NIM1K: variants seen among roughly 807,000 people sequenced by gnomAD.
The protein encoded by NIM1K is NIM1 serine/threonine protein kinase.
In NIM1K, 35 loss-of-function variants were observed where a neutral mutation model predicts 37.1. The observed-to-expected ratio is 0.94, with a 90% confidence interval of 0.72 to 1.25. The LOEUF (loss-of-function observed/expected upper bound fraction) is 1.25, where lower values mean the gene tolerates loss of function less well. NIM1K is among the 50% of genes most tolerant of loss of function. The pLI is 0.00. For synonymous variants in NIM1K, 234 were observed against 206.6 expected (o/e 1.13, Z -1.14); for missense variants, 564 against 548.0 (o/e 1.03, Z -0.29).
In NIM1K at chr5:43,245,997, C is replaced by T. The variant is rs773745809; in HGVS notation, c.222C>T (p.Tyr74=). ...CGCTGGGGAAACGGATAGGCTTCTACCGAATTCGAGGGGAAATCGGAAGTG... is the reference window on the plus strand; with the variant it reads ...CGCTGGGGAAACGGATAGGCTTCTATCGAATTCGAGGGGAAATCGGAAGTG... ...EITLGKRIGF[Y]RIRGEIGSGN... The change falls in exon 2 of 4, where the codon TAC becomes TAT. Residue 74 remains tyrosine (Y), a synonymous_variant. Coordinates refer to ENST00000326035, the MANE Select transcript of NIM1K (RefSeq NM_153361.4). 3.7e-6 allele frequency: 6 copies of T among 1,614,058 alleles called. No individual in the cohort carries two copies. Among genetic ancestry groups the T allele is most frequent in the Non-Finnish European group, 5.1e-6 (6 of 1,179,960 alleles).
intron 1 of NIM1K, among the ~76,000 whole-genome samples, chr5:43,238,016 T>C (rs1752644956): frequency 6.6e-6 from 1 of 151,986 alleles, no homozygotes; most frequent in Non-Finnish European, 1.5e-5. Flanking sequence ...TTCTCGATTT[T>C]TCTTTCACAA....
intron 1 of NIM1K, among the ~76,000 whole-genome samples, chr5:43,237,766 C>T (rs575210234): frequency 1.3e-4 from 20 of 152,170 alleles, no homozygotes; most frequent in African/African-American, 4.8e-4. Flanking sequence ...CAGGATTTAC[C>T]TTTTCTTTTA....
At chr5:43,264,088 G>T (rs1265863179) in intron 2 of NIM1K, among the ~76,000 whole-genome samples, 1 of 152,176 alleles carries the variant, frequency 6.6e-6, no homozygotes, top group Non-Finnish European at 1.5e-5. Context: ...TGAGAAGAAT[G>T]TATATTCTGT....
At position 43,246,044 on chromosome 5, in the gene NIM1K, T is replaced by TTGGGATTCACTCCCTAACCAAAGG. The variant is rs1752775653; in HGVS notation, c.271_292+2dup. 9.9e-6 allele frequency: 16 copies of TTGGGATTCACTCCCTAACCAAAGG among 1,612,986 alleles called. No individual in the cohort carries two copies. Among genetic ancestry groups the TTGGGATTCACTCCCTAACCAAAGG allele is most frequent in the Non-Finnish European group, 1.4e-5 (16 of 1,179,342 alleles). ...AGTGGAAACTTCTCCCAAGTGAAGCTTGGGATTCACTCCCTAACCAAAGGT... is the reference window on the plus strand; with the variant it reads ...AGTGGAAACTTCTCCCAAGTGAAGCTTGGGATTCACTCCCTAACCAAAGGTGGGATTCACTCCCTAACCAAAGGT... On this transcript the variant is annotated inframe_insertion, in exon 2 of 4. Coordinates refer to ENST00000326035, the MANE Select transcript of NIM1K (RefSeq NM_153361.4).
intron 1 of NIM1K, among the ~76,000 whole-genome samples, chr5:43,201,715 C>G (rs901908154): frequency 2.0e-5 from 3 of 151,802 alleles, no homozygotes; most frequent in African/African-American, 7.3e-5. Context: ...AATCCCAGCA[C>G]TGTGGGAGGC....
intron 2 of NIM1K, among the ~76,000 whole-genome samples, chr5:43,247,401 AGCCTT>A (rs528216045): frequency 4.9e-4 from 74 of 152,334 alleles, no homozygotes; most frequent in African/African-American, 1.6e-3. Context: ...TTGCTTAATA[AGCCTT>A]GCCTTGCCTT....
chr5:43,226,439 C>T (rs540357874), intron 1 of NIM1K, among the ~76,000 whole-genome samples: 1 of 152,146 alleles, frequency 6.6e-6, no homozygotes, highest in African/African-American at 2.4e-5. Flanking sequence ...GATTTGCTGA[C>T]AGATTGGTGT....
intron 1 of NIM1K, among the ~76,000 whole-genome samples, chr5:43,216,667 T>A (rs1752304208): frequency 6.6e-6 from 1 of 152,222 alleles, no homozygotes; most frequent in African/African-American, 2.4e-5. Flanking sequence ...TTCAATTTCT[T>A]GCCTTCCCCG....
intron 1 of NIM1K, among the ~76,000 whole-genome samples, chr5:43,216,662 T>A (rs1752304133): frequency 1.3e-5 from 2 of 152,224 alleles, no homozygotes; most frequent in South Asian, 4.1e-4. Flanking sequence ...GTGTCTTCAA[T>A]TTCTTGCCTT....
At chr5:43,214,472 T>C (rs2112222109) in intron 1 of NIM1K, among the ~76,000 whole-genome samples, 1 of 152,316 alleles carries the variant, frequency 6.6e-6, no homozygotes, top group South Asian at 2.1e-4. Context: ...TCCTTATTTA[T>C]GAATAGATGT....
intron 1 of NIM1K, among the ~76,000 whole-genome samples, chr5:43,225,260 C>CAAAAAAAAAAAAAAAAAAAAAAA (rs10555794): frequency 1.4e-5 from 1 of 72,710 alleles, no homozygotes; most frequent in Non-Finnish European, 2.5e-5. Context: ...ACCCTCTTTC[C>CAAAAAAAAAAAAAAAAAAAAAAA]AAAAAAAAAA....
chr5:43,245,998 C>A lies in NIM1K; in HGVS notation c.223C>A (p.Arg75=), dbSNP rs145190045. 1.9e-6 allele frequency: 3 copies of A among 1,614,014 alleles called. No individual in the cohort carries two copies. The highest frequency in any genetic ancestry group is 3.3e-5 in the Admixed American group (2 of 60,008). ...ITLGKRIGFY[R]IRGEIGSGNF... ...GCTGGGGAAACGGATAGGCTTCTAC[C>A]GAATTCGAGGGGAAATCGGAAGTGG... The change falls in exon 2 of 4, where the codon CGA becomes AGA. Residue 75 remains arginine (R), a synonymous_variant. Transcript: ENST00000326035.
intron 2 of NIM1K, among the ~76,000 whole-genome samples, chr5:43,270,816 G>A (rs2111558347): frequency 6.6e-6 from 1 of 152,244 alleles, no homozygotes; most frequent in East Asian, 1.9e-4. Flanking sequence ...AGTGCCCGAA[G>A]GCATGATAAC....
intron 2 of NIM1K, among the ~76,000 whole-genome samples, chr5:43,264,527 G>C (rs1753090457): frequency 6.6e-6 from 1 of 152,144 alleles, no homozygotes; most frequent in African/African-American, 2.4e-5. Context: ...CTGCATGTGA[G>C]ATGGGTCTCC....
intron 2 of NIM1K, among the ~76,000 whole-genome samples, chr5:43,266,420 C>T (rs1753160941): frequency 6.6e-6 from 1 of 152,210 alleles, no homozygotes; most frequent in Non-Finnish European, 1.5e-5. Flanking sequence ...CCCTCTGAGC[C>T]AGGTGCGGGA....
At chr5:43,277,443 T>A in intron 3 of NIM1K, 118 bp downstream of exon 3, 1 of 1,065,070 alleles carries the variant, frequency 9.4e-7, no homozygotes, top group Non-Finnish European at 1.3e-6. Context: ...AAGCAGACAG[T>A]AGTCCCTTCT....
At chr5:43,203,869 T>A (rs1752069170) in intron 1 of NIM1K, among the ~76,000 whole-genome samples, 1 of 151,354 alleles carries the variant, frequency 6.6e-6, no homozygotes, top group East Asian at 2.0e-4. Flanking sequence ...CTACTAGAAA[T>A]ACAAAAATTA....
At position 43,238,953 on chromosome 5, in the gene NIM1K, C is replaced by A. The variant is rs533580025; in HGVS notation, c.-694-6129C>A. Among the ~76,000 whole-genome samples, 199 of 92,756 alleles carry A rather than the reference C, an allele frequency of 2.1e-3. 3 individuals are homozygous for A. Among genetic ancestry groups the A allele is most frequent in the African/African-American group, 9.2e-3 (196 of 21,374 alleles). 60.9% of individuals were successfully genotyped at this position (92,756 alleles called of 152,430 possible). On this transcript the variant is annotated intron_variant, in intron 1 of 3. Coordinates refer to ENST00000326035, the MANE Select transcript of NIM1K (RefSeq NM_153361.4). The stretch of plus-strand genomic sequence containing the variant: ...CAACCTATCTTTGAGGAGGGAAAGG[C>A]TGGCGGGGGCGGGGGGTGGGGTCTC...
intron 1 of NIM1K, among the ~76,000 whole-genome samples, chr5:43,221,665 G>A (rs1364172671): frequency 6.6e-6 from 1 of 152,170 alleles, no homozygotes; most frequent in East Asian, 1.9e-4. Flanking sequence ...CGGAAGTGAG[G>A]TACAGAAACA....
Sources: gnomAD v4.1 joint callset for allele counts (sites outside exome capture counted in the v4.1 genomes callset) on GRCh38, gnomAD v4.1.1 for gene constraint, MANE v1.5 for transcripts, NCBI Gene and HGNC (gene_info 2026-07-23, HGNC 2026-07-21) for gene names.